EPHA6: variants seen among roughly 807,000 people sequenced by gnomAD.
EPHA6 encodes the protein ephrin type-A receptor 6.
In EPHA6, 50 loss-of-function variants were observed where a neutral mutation model predicts 112.0. The observed-to-expected ratio is 0.45, with a 90% CI of 0.36 to 0.56. The LOEUF is 0.56. EPHA6 is among the 20% of genes least tolerant of loss of function. EPHA6 has a pLI of 0.00. For synonymous variants in EPHA6, 529 were observed against 490.7 expected (o/e 1.08, Z -1.03); for missense variants, 1,280 against 1,417.4 (o/e 0.90, Z 1.56).
At chr3:97,401,246 G>A (rs1168568203) in intron 5 of EPHA6, among the ~76,000 whole-genome samples, 1 of 151,548 alleles carries the variant, frequency 6.6e-6, no homozygotes, top group Non-Finnish European at 1.5e-5. Flanking sequence ...TAACAGGGTG[G>A]CTGTTAAATG....
chr3:97,038,446 G>C (rs1490173900), intron 3 of EPHA6, among the ~76,000 whole-genome samples: 1 of 151,964 alleles, frequency 6.6e-6, no homozygotes, highest in African/African-American at 2.4e-5. Flanking sequence ...ACTTACCATA[G>C]TGACCTACAG....
chr3:97,000,779 G>A (rs2043624782), intron 3 of EPHA6, among the ~76,000 whole-genome samples: 1 of 150,980 alleles, frequency 6.6e-6, no homozygotes, highest in Admixed American at 6.6e-5. Context: ...TTGAACAGTA[G>A]GCAGGTAGTA....
chr3:97,352,806 G>C (rs2083881793), intron 5 of EPHA6, among the ~76,000 whole-genome samples: 1 of 152,188 alleles, frequency 6.6e-6, no homozygotes, highest in East Asian at 1.9e-4. Flanking sequence ...CAGCCAGGGT[G>C]GCCAAGCGGG....
chr3:97,435,142 G>A (rs1188694585), intron 6 of EPHA6, among the ~76,000 whole-genome samples: 3 of 151,656 alleles, frequency 2.0e-5, no homozygotes, highest in African/African-American at 7.3e-5. Context: ...TCAAGGAAAG[G>A]GAGCACAGAT....
At chr3:97,249,654 T>C (rs913819509) in intron 5 of EPHA6, among the ~76,000 whole-genome samples, 2 of 152,156 alleles carry the variant, frequency 1.3e-5, no homozygotes, top group Non-Finnish European at 2.9e-5. Context: ...AATAATCATA[T>C]TTTTTAATAA....
chr3:96,912,453 G>A (rs1192220396), intron 2 of EPHA6, among the ~76,000 whole-genome samples: 1 of 152,098 alleles, frequency 6.6e-6, no homozygotes, highest in Non-Finnish European at 1.5e-5. Context: ...AAAATACTGA[G>A]ACCGTGAAAT....
At chr3:97,452,326 A>G (rs1054452835) in intron 7 of EPHA6, among the ~76,000 whole-genome samples, 8 of 151,890 alleles carry the variant, frequency 5.3e-5, no homozygotes, top group African/African-American at 1.9e-4. Context: ...CTATAAAACA[A>G]CCTTATTGCA....
intron 11 of EPHA6, among the ~76,000 whole-genome samples, chr3:97,535,335 C>A (rs1018407706): frequency 6.6e-6 from 1 of 151,978 alleles, no homozygotes; most frequent in African/African-American, 2.4e-5. Context: ...AAATAAAAAT[C>A]TCATATCTGT....
chr3:96,870,240 C>T (rs751754810), intron 2 of EPHA6, among the ~76,000 whole-genome samples: 9 of 151,898 alleles, frequency 5.9e-5, no homozygotes, highest in Non-Finnish European at 1.2e-4. Flanking sequence ...AACTGAAGAA[C>T]GAGGAAAGTT....
chr3:96,858,121 A>G (rs1347312551), intron 1 of EPHA6, among the ~76,000 whole-genome samples: 4 of 152,156 alleles, frequency 2.6e-5, no homozygotes. Context: ...CGTCAAGTGG[A>G]TTAATTAACA....
intron 13 of EPHA6, among the ~76,000 whole-genome samples, chr3:97,612,114 C>G (rs1233720752): frequency 1.3e-5 from 2 of 151,982 alleles, no homozygotes; most frequent in Non-Finnish European, 1.5e-5. Context: ...TTGTTCTTTT[C>G]TGTAGCCATT....
chr3:97,287,944 C>T (rs1193058024), intron 5 of EPHA6, among the ~76,000 whole-genome samples: 1 of 151,810 alleles, frequency 6.6e-6, no homozygotes. Context: ...AGAATTCCCT[C>T]CTCTGCAATT....
At chr3:97,058,850 T>C (rs951149251) in intron 3 of EPHA6, among the ~76,000 whole-genome samples, 1 of 152,182 alleles carries the variant, frequency 6.6e-6, no homozygotes, top group Admixed American at 6.5e-5. Flanking sequence ...AGTAAGATTG[T>C]TTTTATATTT....
At chr3:97,032,484 C>T (rs985444634) in intron 3 of EPHA6, among the ~76,000 whole-genome samples, 6 of 151,740 alleles carry the variant, frequency 4.0e-5, no homozygotes, top group Admixed American at 3.3e-4. Flanking sequence ...GGATGAGACC[C>T]ATTATTTTGC....
chr3:96,824,594 A>G (rs1489847680), intron 1 of EPHA6, among the ~76,000 whole-genome samples: 1 of 152,046 alleles, frequency 6.6e-6, no homozygotes, highest in Non-Finnish European at 1.5e-5. Flanking sequence ...AACAGGAAAC[A>G]CAAAGGCAGG....
chr3:97,581,103 GTC>G (rs1465635048), intron 11 of EPHA6, among the ~76,000 whole-genome samples: 1 of 152,094 alleles, frequency 6.6e-6, no homozygotes, highest in African/African-American at 2.4e-5. Flanking sequence ...CCTCAAGATC[GTC>G]TCTCTGTCTG....
At chr3:97,551,778 T>C (rs1303891979) in intron 11 of EPHA6, among the ~76,000 whole-genome samples, 1 of 152,130 alleles carries the variant, frequency 6.6e-6, no homozygotes, top group African/African-American at 2.4e-5. Context: ...ATTTAATGAT[T>C]TATTTAATAT....
chr3:97,421,399 A>G (rs1267306234), intron 6 of EPHA6, among the ~76,000 whole-genome samples: 2 of 152,180 alleles, frequency 1.3e-5, no homozygotes, highest in Non-Finnish European at 2.9e-5. Flanking sequence ...TAAATTTACA[A>G]TAGCAACTTA....
In EPHA6 at chr3:97,569,671, T is replaced by C. The variant is rs534783690; in HGVS notation, c.2387-22941T>C. ...TACATTTTCAAAAAAATACTTTCAA[T>C]GACAAAAGATTAGAGGCAAAACTAT... On this transcript the variant is annotated intron_variant, in intron 11 of 17. Coordinates refer to ENST00000389672, the MANE Select transcript of EPHA6 (RefSeq NM_001080448.3). Among the ~76,000 whole-genome samples, 9 of 152,372 alleles carry C rather than the reference T, an allele frequency of 5.9e-5. No individual in the cohort carries two copies. In the East Asian group the frequency reaches 7.7e-4, roughly 13 times the overall value.
Sources: allele counts gnomAD v4.1 joint callset (sites outside exome capture counted in the v4.1 genomes callset), GRCh38; gene constraint gnomAD v4.1.1; transcripts MANE v1.5; gene names NCBI Gene and HGNC (gene_info 2026-07-23, HGNC 2026-07-21).